Variants in RS1 observed in about 807,000 individuals in gnomAD.
RS1 encodes the protein retinoschisin.
In RS1, 2 loss-of-function variants were observed where a neutral mutation model predicts 20.8. That is an observed-to-expected ratio of 0.10 (90% confidence interval 0.04 to 0.30). The LOEUF (loss-of-function observed/expected upper bound fraction) is 0.30, where lower values mean the gene tolerates loss of function less well. RS1 is among the 10% of genes least tolerant of loss of function. The probability of loss-of-function intolerance (pLI) is 1.00; values close to 1 mark genes in which losing one functional copy is unlikely to be tolerated. For missense variants in RS1, 151 were observed against 189.8 expected, an observed-to-expected ratio of 0.80 and a Z score of 1.20; for synonymous variants, 70 against 75.8, an observed-to-expected ratio of 0.92 and a Z score of 0.40.
chrX:18,657,998 C>T (rs1488433044), intron 1 of RS1, among the ~76,000 whole-genome samples: 2 of 110,736 alleles, frequency 1.8e-5, no homozygotes, highest in African/African-American at 3.3e-5. Context: ...GACAAAACCC[C>T]GCCTCTACAA....
chrX:18,641,304 G>A lies in RS1; in HGVS notation c.*700C>T, dbSNP rs181962555. The A allele has an allele frequency of 8.8e-6, 1 of 113,541 alleles. No homozygotes were observed. Among genetic ancestry groups the A allele is most frequent in the East Asian group, 2.8e-4 (1 of 3,570 alleles). The allele number at this position is 113,541 out of a possible 1,213,427, so 9.4% of individuals were successfully genotyped here. A position where few individuals can be genotyped will look rare whatever the true frequency, so the allele number is the denominator to read the frequency against. On this transcript the variant is annotated 3_prime_UTR_variant, in exon 6 of 6. Transcript: ENST00000379984. Reference sequence around the variant, plus strand: ...CTGGAATGGATTGCATAATGGAGCTGTGTGTATTGGGCGCTCTGGTCCCTC... The same window carrying A: ...CTGGAATGGATTGCATAATGGAGCTATGTGTATTGGGCGCTCTGGTCCCTC...
rs55857398 is a variant in RS1 at position 18,663,032 on chromosome X, C to CTT, written c.53-5369_53-5368dup. Among the ~76,000 whole-genome samples, 360 of 74,674 alleles carry CTT rather than the reference C, an allele frequency of 4.8e-3. 16 individuals are homozygous for CTT. Among genetic ancestry groups the CTT allele is most frequent in the African/African-American group, 0.02 (310 of 15,484 alleles). The allele number at this position is 74,674 out of a possible 115,157, so 64.8% of individuals were successfully genotyped here. A position where few individuals can be genotyped will look rare whatever the true frequency, so the allele number is the denominator to read the frequency against. On this transcript the variant is annotated intron_variant, in intron 1 of 5. Coordinates refer to ENST00000379984, the MANE Select transcript of RS1 (RefSeq NM_000330.4). ...TTTGGGTTGGTTCCAAGAACAATGA[C>CTT]TTTTTTTTTTTTTTTTTTTTTTTTT...
At chrX:18,652,506 T>A (rs2147200312) in intron 3 of RS1, among the ~76,000 whole-genome samples, 1 of 111,383 alleles carries the variant, frequency 9.0e-6, no homozygotes, top group South Asian at 3.8e-4. Context: ...CCATCTCTAC[T>A]AAAAATACAA....
chrX:18,646,195 A>G (rs1365760554), intron 4 of RS1: 3 of 1,138,689 alleles, frequency 2.6e-6, no homozygotes, highest in Non-Finnish European at 3.5e-6. Flanking sequence ...TCTGTCGCCC[A>G]GGCTGGTGTG....
rs571944937 is a variant in RS1, at chrX:18,672,062, G to A, written c.7C>T (p.Arg3Cys). MS[R>C]KIEGFLLLLL... ...AATAACAAAAAGCCTTCTATCTTGCGTGACATCTTCCCCTCGTCCTCGGCC... is the reference window on the plus strand; with the variant it reads ...AATAACAAAAAGCCTTCTATCTTGCATGACATCTTCCCCTCGTCCTCGGCC... Residue 3 changes from arginine (R) to cysteine (C), a missense_variant, in exon 1 of 6, where the codon CGC becomes TGC. Coordinates refer to ENST00000379984, the MANE Select transcript of RS1 (RefSeq NM_000330.4). 8.3e-6 allele frequency: 10 copies of A among 1,207,790 alleles called. No homozygotes were observed. Among genetic ancestry groups the A allele is most frequent in the South Asian group, 3.5e-5 (2 of 56,783 alleles).
intron 1 of RS1, among the ~76,000 whole-genome samples, chrX:18,657,893 C>T (rs768748098): frequency 9.0e-6 from 1 of 111,558 alleles, no homozygotes; most frequent in Non-Finnish European, 1.9e-5. Flanking sequence ...ATTATAGGGC[C>T]GGTGCAGCGG....
At position 18,645,578 on chromosome X, in the gene RS1, T is replaced by C. The variant is rs1056733833; in HGVS notation, c.327-953A>G. Reference sequence around the variant, plus strand: ...TCTATCTATTGGCTCCATCTCCAAGTGCCTCAAATTCTTCTACTTCTGTCG... The same window carrying C: ...TCTATCTATTGGCTCCATCTCCAAGCGCCTCAAATTCTTCTACTTCTGTCG... On this transcript the variant is annotated intron_variant, in intron 4 of 5. Coordinates refer to ENST00000379984, the MANE Select transcript of RS1 (RefSeq NM_000330.4). Among the ~76,000 whole-genome samples, 3 of 109,946 alleles carry C rather than the reference T, an allele frequency of 2.7e-5. No individual in the cohort carries two copies. In the East Asian group the frequency reaches 8.6e-4, roughly 31 times the overall value.
intron 4 of RS1, 54 bp downstream of exon 4, chrX:18,647,137 G>A: frequency 8.4e-7 from 1 of 1,188,117 alleles, no homozygotes; most frequent in Non-Finnish European, 1.1e-6. Context: ...CGCTGGTAGA[G>A]AGGCCTATTT....
At position 18,653,394 on chromosome X, in the gene RS1, A is replaced by C. The variant is rs756705837; in HGVS notation, c.184+3259T>G. 4.2e-6 allele frequency: 5 copies of C among 1,204,802 alleles called. No individual in the cohort carries two copies. The East Asian group carries it at 1.5e-4, about 36-fold the overall frequency. ...GAGTGCACCTGCTAGCGCTCCTGGCAGCTCTGAGTGACCCCGCTGTCCTTC... is the reference window on the plus strand; with the variant it reads ...GAGTGCACCTGCTAGCGCTCCTGGCCGCTCTGAGTGACCCCGCTGTCCTTC... On this transcript the variant is annotated intron_variant, in intron 3 of 5. Transcript: ENST00000379984.
chrX:18,668,490 A>C (rs1487154757), intron 1 of RS1, among the ~76,000 whole-genome samples: 1 of 113,265 alleles, frequency 8.8e-6, no homozygotes, highest in Admixed American at 9.3e-5. Context: ...CGAGAAGAAA[A>C]GCATAAAATT....
At chrX:18,643,028 G>A (rs1927641424) in intron 5 of RS1, among the ~76,000 whole-genome samples, 1 of 111,834 alleles carries the variant, frequency 8.9e-6, no homozygotes, top group Non-Finnish European at 1.9e-5. Flanking sequence ...CTGGGCAACA[G>A]AGTGAGACTC....
chrX:18,650,253 C>T lies in RS1; in HGVS notation c.185-2921G>A, dbSNP rs1206175600. The T allele has an allele frequency of 1.3e-5, 7 of 523,247 alleles. No homozygotes were observed. In the African/African-American group the frequency reaches 1.4e-4, roughly 10 times the overall value. The allele number at this position is 523,247 out of a possible 1,213,427, so 43.1% of individuals were successfully genotyped here. On this transcript the variant is annotated intron_variant, in intron 3 of 5. Coordinates refer to ENST00000379984, the MANE Select transcript of RS1 (RefSeq NM_000330.4). ...AGCAGAGAATGTGTGGCTCACTCTG[C>T]GATCTAAAGACCCGTGTGTCCAGAC...
Position 18,663,872 on chromosome X carries a change from G to A in RS1, c.53-6207C>T, listed in dbSNP as rs1009632980. 1.3e-4 allele frequency among the ~76,000 whole-genome samples: 14 copies of A among 111,955 alleles called. No individual in the cohort carries two copies. In the South Asian group the frequency reaches 1.9e-3, roughly 15 times the overall value. On this transcript the variant is annotated intron_variant, in intron 1 of 5. Transcript: ENST00000379984. ...TGAATGGCCTACAGGATATCTTCCC[G>A]TAGATGTCTCTTGCTAGCTCAAAGT...
chrX:18,648,148 G>C (rs980150271), intron 3 of RS1, among the ~76,000 whole-genome samples: 1 of 111,499 alleles, frequency 9.0e-6, no homozygotes. Context: ...GTTTCAGTGA[G>C]CCGAGGTGGT....
chrX:18,656,373 C>G (rs749102899), intron 3 of RS1, among the ~76,000 whole-genome samples: 13 of 112,142 alleles, frequency 1.2e-4, no homozygotes, highest in South Asian at 3.7e-4. Context: ...AGCCTGGAGA[C>G]ATGGAGATCT....
At chrX:18,665,128 A>T (rs1292306824) in intron 1 of RS1, among the ~76,000 whole-genome samples, 1 of 111,665 alleles carries the variant, frequency 9.0e-6, no homozygotes, top group African/African-American at 3.3e-5. Flanking sequence ...TCCTATGGCC[A>T]CCAGGGGCTT....
intron 3 of RS1, among the ~76,000 whole-genome samples, chrX:18,652,092 G>A (rs1253186597): frequency 9.1e-6 from 1 of 110,469 alleles, no homozygotes; most frequent in Admixed American, 9.6e-5. Context: ...ATCTCCCCTC[G>A]CCTGCCTCCC....
At chrX:18,653,426 T>G (rs1291137324) in intron 3 of RS1, 1 of 1,208,696 alleles carries the variant, frequency 8.3e-7, no homozygotes, top group East Asian at 3.0e-5. Context: ...CTTCTGTGCT[T>G]TCCAGGGTTC....
intron 3 of RS1, among the ~76,000 whole-genome samples, chrX:18,649,111 C>T (rs935105236): frequency 9.1e-6 from 1 of 110,278 alleles, no homozygotes; most frequent in African/African-American, 3.3e-5. Context: ...TAACTCCCTA[C>T]CCCTAATTTT....
Sources: allele counts gnomAD v4.1 joint callset (sites outside exome capture counted in the v4.1 genomes callset), GRCh38; gene constraint gnomAD v4.1.1; transcripts MANE v1.5; gene names NCBI Gene and HGNC (gene_info 2026-07-23, HGNC 2026-07-21).